The following PHF3 variants were observed in gnomAD, a reference collection of about 807,000 sequenced individuals.
PHF3 encodes the protein PHD finger protein 3.
In PHF3, 41 loss-of-function variants were observed where a neutral mutation model predicts 178.4. The ratio of observed to expected loss-of-function variants is 0.23; its 90% CI spans 0.18 to 0.30. The LOEUF (loss-of-function observed/expected upper bound fraction) is 0.30. PHF3 is among the 10% of genes least tolerant of loss of function. The pLI is 1.00. For synonymous variants in PHF3, 842 were observed against 800.5 expected, an observed-to-expected ratio of 1.05 and a Z score of -0.88; for missense variants, 2,346 against 2,398.1, an observed-to-expected ratio of 0.98 and a Z score of 0.45.
chr6:63,668,117 A>G (rs1765756331), intron 2 of PHF3, among the ~76,000 whole-genome samples: 1 of 152,220 alleles, frequency 6.6e-6, no homozygotes, highest in African/African-American at 2.4e-5. Flanking sequence ...ATGGCTTTCT[A>G]AATCTAACTT....
chr6:63,656,930 A>G (rs942617748), intron 2 of PHF3, among the ~76,000 whole-genome samples: 2 of 152,178 alleles, frequency 1.3e-5, no homozygotes, highest in Non-Finnish European at 2.9e-5. Context: ...AACCCAGTTT[A>G]GGATCTTCTC....
intron 2 of PHF3, among the ~76,000 whole-genome samples, chr6:63,677,620 C>T (rs945074466): frequency 1.3e-5 from 2 of 152,144 alleles, no homozygotes; most frequent in Non-Finnish European, 2.9e-5. Flanking sequence ...TCAGGCTTTC[C>T]TTCTGGTCTG....
chr6:63,664,007 A>AT (rs2149559417), intron 2 of PHF3, among the ~76,000 whole-genome samples: 1 of 152,214 alleles, frequency 6.6e-6, no homozygotes, highest in African/African-American at 2.4e-5. Flanking sequence ...AGTAAGGTAG[A>AT]TTGAAAAGTG....
At position 63,706,124 on chromosome 6, in the gene PHF3, A is replaced by T; in HGVS notation, c.3463A>T (p.Ile1155Leu). Residue 1155 changes from isoleucine (I) to leucine (L), a missense_variant, in exon 12 of 16, where the codon ATA (isoleucine) becomes TTA (leucine). Around this residue, in one of 8 missense-constraint regions of PHF3, gnomAD observed 205 missense variants for 212.4 expected, o/e 0.97. Coordinates refer to ENST00000262043, the MANE Select transcript of PHF3 (RefSeq NM_001370348.2). ...ACATTCAGACAATGAAGCAGAAAGT[A>T]TAGCAGATGCATTATCTTCAACCTC... ...RKHSDNEAES[I>L]ADALSSTSNI... 1 of 1,613,986 alleles carries T rather than the reference A, an allele frequency of 6.2e-7. No homozygotes were observed. The highest frequency in any genetic ancestry group is 8.5e-7 in the Non-Finnish European group (1 of 1,179,906).
In PHF3 at chr6:63,705,103, C is replaced by T. The variant is rs114211075; in HGVS notation, c.3368-926C>T. On this transcript the variant is annotated intron_variant, in intron 11 of 15. Coordinates refer to ENST00000262043, the MANE Select transcript of PHF3 (RefSeq NM_001370348.2). ...AGGTGTCTCTTCAGGCATGTATAGT[C>T]ATGAGCTGTTGCTATATAATCCAAA... Among the ~76,000 whole-genome samples the T allele has an allele frequency of 8.7e-3, 1,327 of 152,292 alleles. 8 individuals are homozygous for T. The highest frequency in any genetic ancestry group is 0.012 in the Non-Finnish European group (848 of 68,024).
intron 3 of PHF3, 26 bp downstream of exon 3, chr6:63,680,187 A>G (rs765270327): frequency 1.3e-6 from 2 of 1,559,696 alleles, no homozygotes; most frequent in Non-Finnish European, 1.7e-6. Flanking sequence ...AGGTCTAGCT[A>G]GAAAATTAGA....
intron 2 of PHF3, among the ~76,000 whole-genome samples, chr6:63,658,702 T>G (rs1413387672): frequency 7.1e-6 from 1 of 141,454 alleles, no homozygotes. Flanking sequence ...ACAGAACCAA[T>G]AGATTTTGTG....
chr6:63,673,442 A>AT (rs1347035632), intron 2 of PHF3, among the ~76,000 whole-genome samples: 3 of 152,126 alleles, frequency 2.0e-5, no homozygotes, highest in Non-Finnish European at 4.4e-5. Flanking sequence ...TAAAAAAAAA[A>AT]ATCACCGTTT....
chr6:63,668,918 A>G (rs1018316295), intron 2 of PHF3, among the ~76,000 whole-genome samples: 2 of 152,196 alleles, frequency 1.3e-5, no homozygotes, highest in African/African-American at 2.4e-5. Flanking sequence ...ATTACAATCA[A>G]TTTCAGTATA....
chr6:63,673,665 T>C (rs190769857), intron 2 of PHF3, among the ~76,000 whole-genome samples: 2 of 152,178 alleles, frequency 1.3e-5, no homozygotes, highest in Non-Finnish European at 2.9e-5. Context: ...TGAGGGTTCC[T>C]TGAAAAATCA....
intron 2 of PHF3, among the ~76,000 whole-genome samples, chr6:63,651,278 G>C (rs964179184): frequency 5.9e-5 from 9 of 152,108 alleles, no homozygotes; most frequent in African/African-American, 2.2e-4. Flanking sequence ...ATTTGGAAAT[G>C]CACAATAAAT....
intron 14 of PHF3, among the ~76,000 whole-genome samples, chr6:63,709,599 G>A (rs1767839387): frequency 6.6e-6 from 1 of 152,174 alleles, no homozygotes; most frequent in Non-Finnish European, 1.5e-5. Flanking sequence ...CTAAAATATA[G>A]TGACTCAAAA....
chr6:63,700,444 G>A lies in PHF3; in HGVS notation c.3077G>A (p.Trp1026Ter). The change falls in exon 9 of 16, where the codon TGG (tryptophan) becomes TAG (stop). Residue 1026 changes from tryptophan (W) to a stop codon, truncating the protein, a stop_gained. Transcript: ENST00000262043. LOFTEE classifies it high-confidence loss of function. ...CTAGCTTCTAAAGAGTTAGCTGCTT[G>A]GAGACGAAGAGAAAACAGACATGTA... The part of the protein sequence containing the change: ...EELASKELAA[W>*]RRRENRHTIE... 1 of 1,584,300 alleles carries A rather than the reference G, an allele frequency of 6.3e-7. No homozygotes were observed. The highest frequency in any genetic ancestry group is 8.7e-7 in the Non-Finnish European group (1 of 1,154,892).
chr6:63,642,317 C>T (rs1271934727), intron 1 of PHF3, among the ~76,000 whole-genome samples: 1 of 152,192 alleles, frequency 6.6e-6, no homozygotes, highest in South Asian at 2.1e-4. Flanking sequence ...TCACCTTCCT[C>T]TGTGAAGCCC....
intron 2 of PHF3, among the ~76,000 whole-genome samples, chr6:63,650,068 A>AT (rs1764956818): frequency 6.6e-6 from 1 of 152,212 alleles, no homozygotes; most frequent in Non-Finnish European, 1.5e-5. Flanking sequence ...CCATTTCTTA[A>AT]TATGGTATAT....
intron 2 of PHF3, among the ~76,000 whole-genome samples, chr6:63,664,421 T>G (rs1765593293): frequency 6.6e-6 from 1 of 152,196 alleles, no homozygotes; most frequent in Admixed American, 6.5e-5. Context: ...TTGCTACTTG[T>G]GTATTGGAGA....
At chr6:63,709,326 C>T (rs920800290) in intron 14 of PHF3, 86 bp downstream of exon 14, 16 of 890,882 alleles carry the variant, frequency 1.8e-5, no homozygotes, top group Non-Finnish European at 2.6e-5. Flanking sequence ...GGTGCAAAGT[C>T]TCCTGGGGAA....
At chr6:63,706,930 A>C in intron 13 of PHF3, 54 bp downstream of exon 13, 1 of 1,494,528 alleles carries the variant, frequency 6.7e-7, no homozygotes, top group Non-Finnish European at 9.2e-7. Flanking sequence ...TGTGTTTCTG[A>C]AAGTAATTGA....
At chr6:63,699,309 C>T (rs1014416734) in intron 8 of PHF3, among the ~76,000 whole-genome samples, 2 of 152,174 alleles carry the variant, frequency 1.3e-5, no homozygotes, top group Admixed American at 6.5e-5. Flanking sequence ...TTGTGTGTGA[C>T]ATTTACCTAG....
Sources: gnomAD v4.1 joint callset for allele counts (sites outside exome capture counted in the v4.1 genomes callset) on GRCh38, gnomAD v4.1.1 for gene constraint, gnomAD v4.1.1 regional missense constraint, MANE v1.5 for transcripts, NCBI Gene and HGNC (gene_info 2026-07-23, HGNC 2026-07-21) for gene names.